The following NETO2 variants were observed in gnomAD, a reference collection of about 807,000 sequenced individuals.
NETO2 encodes neuropilin and tolloid like 2, also known as neuropilin and tolloid-like protein 2.
In NETO2, 28 loss-of-function variants were observed where a neutral mutation model predicts 62.5. That is an observed-to-expected ratio of 0.45 (90% CI 0.33 to 0.61). The LOEUF (loss-of-function observed/expected upper bound fraction) is 0.61. Ranked by LOEUF, NETO2 falls within the 20% of genes least tolerant of loss-of-function variation. NETO2 has a pLI of 0.02. For synonymous variants in NETO2, 214 were observed against 219.1 expected, an observed-to-expected ratio of 0.98 and a Z score of 0.21; for missense variants, 548 against 643.2, an observed-to-expected ratio of 0.85 and a Z score of 1.60.
Position 47,079,765 on chromosome 16 carries a change from C to T in NETO2, c.*3456G>A, listed in dbSNP as rs1052600676. 3.3e-5 allele frequency: 5 copies of T among 152,104 alleles called. No homozygotes were observed. The East Asian group carries it at 9.6e-4, about 29-fold the overall frequency. The allele number at this position is 152,104 out of a possible 1,614,324, so 9.4% of individuals were successfully genotyped here. A position where few individuals can be genotyped will look rare whatever the true frequency, so the allele number is the denominator to read the frequency against. On this transcript the variant is annotated 3_prime_UTR_variant, in exon 9 of 9. Coordinates refer to ENST00000562435, the MANE Select transcript of NETO2 (RefSeq NM_018092.5). ...TGGGTCTAATCAGTGTGATTCAAGG[C>T]ATATTATTTTTAATGTCATATAATT...
rs1460800694 is a variant in NETO2, at chr16:47,083,001, A to C, written c.*220T>G. ...TCCTATAAATGACACCAAGCAATAGAGATGATTATTGTTTCCACTGAATAG... is the reference window on the plus strand; with the variant it reads ...TCCTATAAATGACACCAAGCAATAGCGATGATTATTGTTTCCACTGAATAG... On this transcript the variant is annotated 3_prime_UTR_variant, in exon 9 of 9. Transcript: ENST00000562435. 1 of 467,878 alleles carries C rather than the reference A, an allele frequency of 2.1e-6. No individual in the cohort carries two copies. Among genetic ancestry groups the C allele is most frequent in the Non-Finnish European group, 3.7e-6 (1 of 268,258 alleles). The allele number at this position is 467,878 out of a possible 1,614,324, so 29.0% of individuals were successfully genotyped here.
rs1963049222 is a variant in NETO2 at position 47,080,839 on chromosome 16, C to T, written c.*2382G>A. 6.6e-6 allele frequency: 1 copy of T among 152,158 alleles called. No homozygotes were observed. The highest frequency in any genetic ancestry group is 2.4e-5 in the African/African-American group (1 of 41,432). The allele number at this position is 152,158 out of a possible 1,614,324, so 9.4% of individuals were successfully genotyped here. On this transcript the variant is annotated 3_prime_UTR_variant, in exon 9 of 9. Coordinates refer to ENST00000562435, the MANE Select transcript of NETO2 (RefSeq NM_018092.5). Reference sequence around the variant, plus strand: ...TTTTTTACATTCTGAAGAAATGTTCCTATATACAGACCCTCATGCTGTAGT... The same window carrying T: ...TTTTTTACATTCTGAAGAAATGTTCTTATATACAGACCCTCATGCTGTAGT...
chr16:47,103,030 G>A (rs1963589530), intron 7 of NETO2, among the ~76,000 whole-genome samples: 1 of 152,046 alleles, frequency 6.6e-6, no homozygotes, highest in South Asian at 2.1e-4. Flanking sequence ...GCAAAGACTT[G>A]GAACCAACCC....
chr16:47,133,312 T>C (rs908111141), intron 1 of NETO2, among the ~76,000 whole-genome samples: 1 of 151,696 alleles, frequency 6.6e-6, no homozygotes, highest in Non-Finnish European at 1.5e-5. Flanking sequence ...TGGTGGCTCA[T>C]GCCTGCAAAT....
intron 6 of NETO2, among the ~76,000 whole-genome samples, chr16:47,115,319 C>T (rs891312993): frequency 2.5e-4 from 32 of 129,242 alleles, no homozygotes; most frequent in Non-Finnish European, 5.0e-4. Context: ...AGATCATTTT[C>T]ATAAGAACTG....
At chr16:47,103,887 G>A (rs1171367541) in intron 7 of NETO2, among the ~76,000 whole-genome samples, 2 of 152,114 alleles carry the variant, frequency 1.3e-5, no homozygotes, top group Non-Finnish European at 2.9e-5. Context: ...TCCTTCACAT[G>A]ACAAAGGCCA....
At chr16:47,133,980 T>C (rs1964320780) in intron 1 of NETO2, among the ~76,000 whole-genome samples, 1 of 152,138 alleles carries the variant, frequency 6.6e-6, no homozygotes, top group Non-Finnish European at 1.5e-5. Context: ...ATGTTTGCAT[T>C]ACCATCTTTG....
In NETO2 at chr16:47,083,097, T is replaced by C; in HGVS notation, c.*124A>G. 1.2e-6 allele frequency: 1 copy of C among 810,722 alleles called. No individual in the cohort carries two copies. The highest frequency in any genetic ancestry group is 2.0e-6 in the Non-Finnish European group (1 of 507,922). The allele number at this position is 810,722 out of a possible 1,614,324, so 50.2% of individuals were successfully genotyped here. ...ATAAAAACATCACCATACAATAGGT[T>C]AACGGTAAATCAAGGTCTTCGTAGT... On this transcript the variant is annotated 3_prime_UTR_variant, in exon 9 of 9. Coordinates refer to ENST00000562435, the MANE Select transcript of NETO2 (RefSeq NM_018092.5).
At chr16:47,092,025 G>GTTTT (rs34629427) in intron 7 of NETO2, among the ~76,000 whole-genome samples, 1 of 134,280 alleles carries the variant, frequency 7.4e-6, no homozygotes, top group Non-Finnish European at 1.6e-5. Flanking sequence ...AACTGTTTTG[G>GTTTT]TTTTTTTTTT....
At chr16:47,095,693 T>C (rs943200042) in intron 7 of NETO2, among the ~76,000 whole-genome samples, 6 of 152,094 alleles carry the variant, frequency 3.9e-5, no homozygotes, top group African/African-American at 1.2e-4. Context: ...ATGGGAGAAG[T>C]AGACACTTGT....
At chr16:47,097,798 CCTTCTGGGA>C (rs2055039233) in intron 7 of NETO2, among the ~76,000 whole-genome samples, 1 of 152,072 alleles carries the variant, frequency 6.6e-6, no homozygotes, top group Admixed American at 6.5e-5. Context: ...TGGTGGGTGC[CCTTCTGGGA>C]CGAAGCTTCC....
At chr16:47,120,205 A>G (rs1964008612) in intron 6 of NETO2, among the ~76,000 whole-genome samples, 1 of 152,200 alleles carries the variant, frequency 6.6e-6, no homozygotes. Context: ...TTTAATAGTT[A>G]CATCAGCTCT....
chr16:47,113,086 G>T (rs182140675), intron 6 of NETO2, among the ~76,000 whole-genome samples: 4 of 152,266 alleles, frequency 2.6e-5, no homozygotes, highest in African/African-American at 4.8e-5. Context: ...CAGGTATGAC[G>T]ATTTCATTTG....
intron 1 of NETO2, among the ~76,000 whole-genome samples, chr16:47,136,091 A>T (rs1362665553): frequency 6.6e-6 from 1 of 152,204 alleles, no homozygotes; most frequent in Non-Finnish European, 1.5e-5. Context: ...TTTTGGACTT[A>T]ACAAAACGTT....
At chr16:47,105,555 A>G (rs1963656327) in intron 7 of NETO2, among the ~76,000 whole-genome samples, 1 of 152,198 alleles carries the variant, frequency 6.6e-6, no homozygotes, top group South Asian at 2.1e-4. Flanking sequence ...GAGTGAAAAG[A>G]CAACAAACAG....
intron 7 of NETO2, among the ~76,000 whole-genome samples, chr16:47,101,777 A>C (rs1260693106): frequency 1.3e-5 from 2 of 152,222 alleles, no homozygotes; most frequent in East Asian, 1.9e-4. Flanking sequence ...TCAAGGAAAT[A>C]AGAGAGGACA....
intron 1 of NETO2, among the ~76,000 whole-genome samples, chr16:47,133,125 A>C (rs542607301): frequency 1.3e-5 from 2 of 152,348 alleles, no homozygotes; most frequent in Admixed American, 6.5e-5. Context: ...ACGGAGTTTA[A>C]CAGGAGATAT....
intron 6 of NETO2, among the ~76,000 whole-genome samples, chr16:47,113,468 C>T (rs958858909): frequency 4.6e-5 from 7 of 152,014 alleles, no homozygotes; most frequent in Non-Finnish European, 8.8e-5. Flanking sequence ...AGCATGTATC[C>T]TTTGAGTCTA....
chr16:47,122,584 C>T, intron 6 of NETO2, 73 bp downstream of exon 6: 1 of 1,536,958 alleles, frequency 6.5e-7, no homozygotes, highest in East Asian at 2.3e-5. Flanking sequence ...TTACACAAAC[C>T]AAAATTACAC....
Sources: gnomAD v4.1 joint callset for allele counts (sites outside exome capture counted in the v4.1 genomes callset) on GRCh38, gnomAD v4.1.1 for gene constraint, MANE v1.5 for transcripts, NCBI Gene and HGNC (gene_info 2026-07-23, HGNC 2026-07-21) for gene names.